Variants in ATRX observed in about 807,000 individuals in gnomAD.
ATRX encodes the protein ATRX chromatin remodeler, also known as chromatin remodeler ATRX.
In ATRX, 12 loss-of-function variants were observed where a neutral mutation model predicts 172.6. That is an observed-to-expected ratio of 0.07 (90% CI 0.04 to 0.11). The LOEUF (loss-of-function observed/expected upper bound fraction) is 0.11. ATRX is among the 10% of genes least tolerant of loss of function. ATRX has a pLI of 1.00. For missense variants in ATRX, 1,368 were observed against 1,767.4 expected, an observed-to-expected ratio of 0.77 and a Z score of 4.05; for synonymous variants, 674 against 594.7, an observed-to-expected ratio of 1.13 and a Z score of -1.94.
chrX:77,784,035 G>A (rs191623955), intron 1 of ATRX, among the ~76,000 whole-genome samples: 175 of 112,251 alleles, frequency 1.6e-3, no homozygotes, highest in African/African-American at 5.3e-3. Flanking sequence ...TTCTTTCATT[G>A]TAACACTTGG....
In ATRX at chrX:77,635,988, A is replaced by G; in HGVS notation, c.4626T>C (p.Asp1542=). 1 of 1,207,875 alleles carries G rather than the reference A, an allele frequency of 8.3e-7. No homozygotes were observed. Among genetic ancestry groups the G allele is most frequent in the Non-Finnish European group, 1.1e-6 (1 of 892,202 alleles). Residue 1542 remains aspartate (D), a synonymous_variant, in exon 16 of 35, where the codon GAT becomes GAC. Transcript: ENST00000373344. ...PITTKLVLDE[D]EETKEPLVQV... The stretch of plus-strand genomic sequence containing the variant: ...GCACTAAAGGTTCTTTGGTTTCTTC[A>G]TCTTCATCTAAAACCAACTTGGTTG...
intron 1 of ATRX, among the ~76,000 whole-genome samples, chrX:77,748,773 G>GA (rs1280398312): frequency 9.1e-6 from 1 of 109,321 alleles, no homozygotes. Flanking sequence ...TTTTAGTAGA[G>GA]ATGGGATTTC....
At chrX:77,667,167 G>C (rs1253158298) in intron 10 of ATRX, among the ~76,000 whole-genome samples, 4 of 110,206 alleles carry the variant, frequency 3.6e-5, no homozygotes, top group African/African-American at 9.9e-5. Context: ...TTCTATGTCT[G>C]GCACAGCACT....
intron 6 of ATRX, among the ~76,000 whole-genome samples, chrX:77,689,716 C>T (rs1347445024): frequency 1.8e-5 from 2 of 112,211 alleles, no homozygotes; most frequent in Middle Eastern, 4.2e-3. Context: ...TGTTTCACAC[C>T]CTGAGCTAAA....
At chrX:77,676,087 G>T in intron 10 of ATRX, 139 bp downstream of exon 10, 1 of 512,834 alleles carries the variant, frequency 1.9e-6, no homozygotes, top group Non-Finnish European at 3.2e-6. Flanking sequence ...TTTCAAACTT[G>T]CAGGAAGACT....
chrX:77,578,036 C>T (rs1489701222), intron 27 of ATRX, among the ~76,000 whole-genome samples: 2 of 111,349 alleles, frequency 1.8e-5, no homozygotes, highest in African/African-American at 3.3e-5. Flanking sequence ...AGTGCACTTG[C>T]GGGAAGGAGA....
chrX:77,636,802 GGAA>G (rs1221578897), intron 15 of ATRX, among the ~76,000 whole-genome samples: 4 of 106,156 alleles, frequency 3.8e-5, no homozygotes, highest in Non-Finnish European at 5.8e-5. Flanking sequence ...AGAAGGAGAA[GGAA>G]GAAGGAGGAG....
At chrX:77,517,804 T>C (rs143851862) in intron 34 of ATRX, among the ~76,000 whole-genome samples, 237 of 111,753 alleles carry the variant, frequency 2.1e-3, no homozygotes, top group African/African-American at 7.2e-3. Context: ...AACACCACAT[T>C]AAAAAGGTGT....
chrX:77,684,110 T>C lies in ATRX; in HGVS notation c.1146A>G (p.Glu382=), dbSNP rs1557142251. 6 of 1,207,561 alleles carry C rather than the reference T, an allele frequency of 5.0e-6. No homozygotes were observed. Among genetic ancestry groups the C allele is most frequent in the Non-Finnish European group, 6.7e-6 (6 of 892,442 alleles). Residue 382 remains glutamate (E), a synonymous_variant, in exon 9 of 35, where the codon GAA becomes GAG. Transcript: ENST00000373344. ...KFLKQATDNS[E]ISSATKLRQL... The stretch of plus-strand genomic sequence containing the variant: ...GACGTAATTTTGTAGCAGAACTGAT[T>C]TCTGAATTATCTGTTGCCTGCTTTA...
chrX:77,724,012 A>G (rs193234005), intron 1 of ATRX, among the ~76,000 whole-genome samples: 1 of 111,683 alleles, frequency 9.0e-6, no homozygotes, highest in African/African-American at 3.3e-5. Flanking sequence ...CAGGCACGGT[A>G]GCTCACACCT....
intron 12 of ATRX, among the ~76,000 whole-genome samples, chrX:77,658,222 C>A (rs1459121170): frequency 1.8e-5 from 2 of 112,052 alleles, no homozygotes; most frequent in Admixed American, 1.9e-4. Context: ...AAAAAAAAGA[C>A]ATACTGACAT....
At chrX:77,671,062 T>C (rs1603180888) in intron 10 of ATRX, among the ~76,000 whole-genome samples, 1 of 95,050 alleles carries the variant, frequency 1.1e-5, no homozygotes, top group South Asian at 5.4e-4. Context: ...GCAGGAGAAT[T>C]GCTTGAAACA....
At chrX:77,653,124 C>A (rs782162695) in intron 14 of ATRX, among the ~76,000 whole-genome samples, 2 of 110,728 alleles carry the variant, frequency 1.8e-5, no homozygotes, top group Admixed American at 1.9e-4. Flanking sequence ...GTTACAGATA[C>A]CAGAGAAAAA....
chrX:77,516,697 A>T (rs1473895122), intron 34 of ATRX, among the ~76,000 whole-genome samples: 5 of 111,675 alleles, frequency 4.5e-5, no homozygotes, highest in East Asian at 2.8e-4. Flanking sequence ...GAAAATCAAT[A>T]AAAAAAACCA....
At chrX:77,676,646 C>T (rs1307767788) in intron 9 of ATRX, among the ~76,000 whole-genome samples, 8 of 112,019 alleles carry the variant, frequency 7.1e-5, no homozygotes, top group African/African-American at 2.3e-4. Flanking sequence ...TTAATTTTGA[C>T]GTTAACTGGT....
At chrX:77,617,844 G>C (rs1368267131) in intron 21 of ATRX, among the ~76,000 whole-genome samples, 1 of 109,999 alleles carries the variant, frequency 9.1e-6, no homozygotes, top group Non-Finnish European at 1.9e-5. Context: ...AGCCTCCCAA[G>C]TGACAGAGAC....
At chrX:77,515,196 C>T (rs1238229369) in intron 34 of ATRX, among the ~76,000 whole-genome samples, 3 of 111,278 alleles carry the variant, frequency 2.7e-5, no homozygotes, top group African/African-American at 9.8e-5. Context: ...TGTGGTAGTT[C>T]CTCAAAGAGC....
chrX:77,563,524 T>C lies in ATRX; in HGVS notation c.6327-4678A>G, dbSNP rs181513404. Among the ~76,000 whole-genome samples the C allele has an allele frequency of 7.9e-4, 89 of 112,202 alleles. No homozygotes were observed. The South Asian group carries it at 9.4e-3, about 12-fold the overall frequency. The stretch of plus-strand genomic sequence containing the variant: ...CTATTGGGTTGTCTAGTTTATCCAA[T>C]TGATTTTTAAGAGTTATTTATATAT... On this transcript the variant is annotated intron_variant, in intron 28 of 34. Transcript: ENST00000373344.
chrX:77,776,057 A>G (rs908448319), intron 1 of ATRX, among the ~76,000 whole-genome samples: 7 of 112,211 alleles, frequency 6.2e-5, no homozygotes, highest in Admixed American at 5.7e-4. Flanking sequence ...ATAAAATATT[A>G]TACCCTATCA....
Sources: gnomAD v4.1 joint callset for allele counts (sites outside exome capture counted in the v4.1 genomes callset) on GRCh38, gnomAD v4.1.1 for gene constraint, MANE v1.5 for transcripts, NCBI Gene and HGNC (gene_info 2026-07-23, HGNC 2026-07-21) for gene names.